Variants in PRKAG1 observed in about 807,000 individuals in gnomAD.
PRKAG1 encodes 5'-AMP-activated protein kinase subunit gamma-1.
Under a neutral mutation model 48.2 loss-of-function variants are expected in PRKAG1, and 27 were observed. The ratio of observed to expected loss-of-function variants is 0.56; its 90% confidence interval spans 0.41 to 0.77. The LOEUF (loss-of-function observed/expected upper bound fraction) is 0.77. Ranked by LOEUF, PRKAG1 falls within the 30% of genes least tolerant of loss-of-function variation. The pLI is 0.00. For synonymous variants in PRKAG1, 130 were observed against 147.7 expected (o/e 0.88, Z 0.87); for missense variants, 287 against 398.3 (o/e 0.72, Z 2.38).
intron 2 of PRKAG1, among the ~76,000 whole-genome samples, chr12:49,010,947 G>A (rs1050808319): frequency 1.3e-5 from 2 of 151,784 alleles, no homozygotes; most frequent in East Asian, 1.9e-4. Context: ...GAGTTCAAGC[G>A]ATTCTCATGC....
chr12:49,003,058 G>A, intron 11 of PRKAG1, 52 bp from the exon 12 acceptor site: 4 of 1,612,868 alleles, frequency 2.5e-6, no homozygotes, highest in Non-Finnish European at 3.4e-6. Context: ...GGCCTCAGGG[G>A]AAGCCCCTCT....
At chr12:49,010,883 A>G (rs1372094067) in intron 2 of PRKAG1, among the ~76,000 whole-genome samples, 6 of 149,900 alleles carry the variant, frequency 4.0e-5, no homozygotes, top group African/African-American at 1.5e-4. Flanking sequence ...TTGCTCTGTC[A>G]CCCAAGCTGG....
intron 2 of PRKAG1, among the ~76,000 whole-genome samples, chr12:49,009,619 T>G (rs968358291): frequency 2.6e-5 from 4 of 152,122 alleles, no homozygotes; most frequent in East Asian, 1.9e-4. Context: ...TGTTGTTGTT[T>G]TTGTTTTTTT....
At chr12:49,004,101 G>GC (rs1941417644) in intron 8 of PRKAG1, 179 bp from the exon 9 acceptor site, 1 of 763,726 alleles carries the variant, frequency 1.3e-6, no homozygotes, top group Non-Finnish European at 2.0e-6. Context: ...ACCAGCCTGG[G>GC]CAACATGGCA....
At chr12:49,017,126 TAAATAACAGC>T (rs1942008815) in intron 1 of PRKAG1, 1 of 455,932 alleles carries the variant, frequency 2.2e-6, no homozygotes, top group Admixed American at 2.4e-5. Flanking sequence ...AGTCTACCTT[TAAATAACAGC>T]TGTTGCTGGC....
chr12:49,017,158 A>G (rs1942010820), intron 1 of PRKAG1: 1 of 455,906 alleles, frequency 2.2e-6, no homozygotes, highest in East Asian at 6.9e-5. Context: ...TGCCCTCACC[A>G]TCACTCCAGT....
Position 49,004,813 on chromosome 12 carries a change from C to CTT in PRKAG1, c.410+150_410+151insAA, listed in dbSNP as rs34375562. On this transcript the variant is annotated intron_variant, in intron 7 of 11. Coordinates refer to ENST00000548065, the MANE Select transcript of PRKAG1 (RefSeq NM_002733.5). ...AGTGAGAATGAGAGAGAGAGAGAGA[C>CTT]TGTGTGTGTGTGTGTGTGTGTGTGT... is the stretch of plus-strand genomic sequence containing the variant. The CTT allele has an allele frequency of 5.6e-6, 4 of 714,342 alleles. No individual in the cohort carries two copies. The African/African-American group carries it at 8.2e-5, about 15-fold the overall frequency. The allele number at this position is 714,342 out of a possible 1,614,324, so 44.3% of individuals were successfully genotyped here.
intron 1 of PRKAG1, among the ~76,000 whole-genome samples, chr12:49,015,479 G>C (rs1474697622): frequency 6.6e-6 from 1 of 152,114 alleles, no homozygotes; most frequent in Non-Finnish European, 1.5e-5. Context: ...GAACAGATAT[G>C]CCCAAGACTA....
chr12:49,003,989 C>T, intron 8 of PRKAG1, 67 bp from the exon 9 acceptor site: 1 of 1,525,148 alleles, frequency 6.6e-7, no homozygotes. Context: ...CCCCTCCAAC[C>T]CAGTATATTA....
At chr12:49,014,508 T>C (rs531931059) in intron 1 of PRKAG1, among the ~76,000 whole-genome samples, 7 of 152,360 alleles carry the variant, frequency 4.6e-5, no homozygotes, top group Non-Finnish European at 7.3e-5. Context: ...TCACTAGGCA[T>C]AGTTGTAGGC....
Position 49,003,177 on chromosome 12 carries a change from C to T in PRKAG1, c.855G>A (p.Leu285=), listed in dbSNP as rs200012910. Residue 285 remains leucine (L), a synonymous_variant, in exon 11 of 12, where the codon CTG becomes CTA. Transcript: ENST00000548065. ...CCACTAGCCTGTTGATGATGGTCTC[C>T]AGAGTCTCATGCAGGTAGCACTTGA... ...GVLKCYLHET[L]ETIINRLVEA... 18 of 1,614,052 alleles carry T rather than the reference C, an allele frequency of 1.1e-5. No homozygotes were observed. Among genetic ancestry groups the T allele is most frequent in the Non-Finnish European group, 1.4e-5 (17 of 1,180,034 alleles).
chr12:49,012,899 C>T (rs1282393197), intron 2 of PRKAG1, 163 bp downstream of exon 2: 1 of 649,938 alleles, frequency 1.5e-6, no homozygotes, highest in Non-Finnish European at 2.7e-6. Flanking sequence ...AGATTTATTC[C>T]TGGGTGATCT....
intron 8 of PRKAG1, 65 bp downstream of exon 8, chr12:49,004,442 T>TTCAATCAA: frequency 6.3e-7 from 1 of 1,580,646 alleles, no homozygotes; most frequent in Non-Finnish European, 8.7e-7. Flanking sequence ...CGTCTCTCTT[T>TTCAATCAA]TCAATCAATC....
At chr12:49,013,253 T>TG in intron 1 of PRKAG1, 143 bp from the exon 2 acceptor site, 2 of 689,908 alleles carry the variant, frequency 2.9e-6, no homozygotes, top group Non-Finnish European at 4.9e-6. Context: ...CTTTTTTTTT[T>TG]GTTTTTGAGA....
chr12:49,008,063 TG>T (rs558794021), intron 2 of PRKAG1, among the ~76,000 whole-genome samples: 4 of 152,100 alleles, frequency 2.6e-5, no homozygotes, highest in Admixed American at 6.5e-5. Context: ...TTCACCACAT[TG>T]GCCAGGCTGA....
chr12:49,012,035 T>G (rs1941780675), intron 2 of PRKAG1, among the ~76,000 whole-genome samples: 1 of 152,178 alleles, frequency 6.6e-6, no homozygotes, highest in Admixed American at 6.5e-5. Context: ...TTTTTTATTT[T>G]TAGTAGAGAC....
At chr12:49,017,326 G>C (rs527496778) in intron 1 of PRKAG1, 4 of 405,060 alleles carry the variant, frequency 9.9e-6, no homozygotes, top group Non-Finnish European at 1.9e-5. Flanking sequence ...TGAGCCTCCC[G>C]AGTAGCTGGG....
At position 49,002,979 on chromosome 12, in the gene PRKAG1, T is replaced by C; in HGVS notation, c.916A>G (p.Asn306Asp). ...GATACAATTCCCTTGACCACATCAT[T>C]TTCATCCACCACTACAAGTCGGTGA... Reference protein sequence around the residue: ...EVHRLVVVDENDVVKGIVSLS... With the variant: ...EVHRLVVVDEDDVVKGIVSLS... The change falls in exon 12 of 12, where the codon AAT becomes GAT. Residue 306 changes from asparagine to aspartate, a missense_variant. Coordinates refer to ENST00000548065, the MANE Select transcript of PRKAG1 (RefSeq NM_002733.5). The C allele has an allele frequency of 6.2e-7, 1 of 1,614,174 alleles. No individual in the cohort carries two copies. Among genetic ancestry groups the C allele is most frequent in the East Asian group, 2.2e-5 (1 of 44,876 alleles).
Position 49,005,752 on chromosome 12 carries a change from C to T in PRKAG1, c.159G>A (p.Thr53=), listed in dbSNP as rs576756433. 19 of 1,613,414 alleles carry T rather than the reference C, an allele frequency of 1.2e-5. No individual in the cohort carries two copies. The highest frequency in any genetic ancestry group is 1.1e-4 in the East Asian group (5 of 44,870). ...PTSSKLVVFD[T]SLQVKKAFFA... ...AGAGGATTTCACCCACCTGCAGGGA[C>T]GTATCAAATACAACCAATTTGGAGC... The change falls in exon 3 of 12, where the codon ACG becomes ACA. Residue 53 remains threonine, a synonymous_variant. Coordinates refer to ENST00000548065, the MANE Select transcript of PRKAG1 (RefSeq NM_002733.5). This position sits in a 1 kb window ranked among gnomAD's most constrained non-coding sequence, Gnocchi z 4.1.
Sources: allele counts gnomAD v4.1 joint callset (sites outside exome capture counted in the v4.1 genomes callset), GRCh38; gene constraint gnomAD v4.1.1; non-coding constraint Gnocchi (gnomAD v3.1); transcripts MANE v1.5; gene names NCBI Gene and HGNC (gene_info 2026-07-23, HGNC 2026-07-21).